Variants in RAB3IP observed in about 807,000 individuals in gnomAD.
RAB3IP encodes the protein rab-3A-interacting protein.
Under a neutral mutation model 59.1 loss-of-function variants are expected in RAB3IP, and 36 were observed. That is an observed-to-expected ratio of 0.61 (90% CI 0.47 to 0.80). The LOEUF (loss-of-function observed/expected upper bound fraction) is 0.80, where lower values mean the gene tolerates loss of function less well. Ranked by LOEUF, RAB3IP falls within the 30% of genes least tolerant of loss-of-function variation. The pLI is 0.00. For missense variants in RAB3IP, 511 were observed against 536.0 expected (o/e 0.95, Z 0.46); for synonymous variants, 207 against 191.2 (o/e 1.08, Z -0.68).
chr12:69,755,812 G>T (rs1417130321), intron 2 of RAB3IP, among the ~76,000 whole-genome samples, 153 bp downstream of exon 2: 1 of 152,064 alleles, frequency 6.6e-6, no homozygotes, highest in African/African-American at 2.4e-5. Context: ...CTAGAACAGG[G>T]TTGACAAACT....
intron 3 of RAB3IP, among the ~76,000 whole-genome samples, chr12:69,761,609 C>A (rs1053413590): frequency 1.3e-5 from 2 of 152,140 alleles, no homozygotes; most frequent in African/African-American, 4.8e-5. Context: ...TTCAGTACTT[C>A]TGAGATTCAT....
intron 8 of RAB3IP, among the ~76,000 whole-genome samples, chr12:69,810,717 G>A (rs1056117766): frequency 6.6e-6 from 1 of 152,184 alleles, no homozygotes; most frequent in African/African-American, 2.4e-5. Context: ...GGAGAAAGGA[G>A]TTAGAGATAT....
Position 69,756,455 on chromosome 12 carries a change from GA to G in RAB3IP, c.303del (p.Leu102Ter). Reference protein sequence around the residue: ...APCSTSGVTAGLTKLTTRKDN... With the variant: ...APCSTSGVTAXLTKLTTRKDN... ...TGCTCTACCTCTGGAGTCACAGCTG[GA>G]TTAACTAAATTAACTACAAGAAAGG... On this transcript the variant is annotated frameshift_variant, in exon 3 of 11. Coordinates refer to ENST00000247833, the MANE Select transcript of RAB3IP (RefSeq NM_022456.5). LOFTEE classifies it high-confidence loss of function. 6.2e-7 allele frequency: 1 copy of G among 1,614,086 alleles called. No individual in the cohort carries two copies. The highest frequency in any genetic ancestry group is 8.5e-7 in the Non-Finnish European group (1 of 1,179,978).
intron 7 of RAB3IP, 105 bp downstream of exon 7, chr12:69,800,442 T>C (rs995808938): frequency 2.9e-6 from 2 of 696,786 alleles, no homozygotes; most frequent in Non-Finnish European, 4.3e-6. Flanking sequence ...AATAAGTTAT[T>C]ATAAAATGTC....
chr12:69,770,136 T>C, intron 3 of RAB3IP, among the ~76,000 whole-genome samples: 1 of 152,202 alleles, frequency 6.6e-6, no homozygotes, highest in East Asian at 1.9e-4. Context: ...AAAAGAACAT[T>C]ATAGATTCAT....
At chr12:69,813,345 G>A (rs1307234173) in intron 10 of RAB3IP, among the ~76,000 whole-genome samples, 1 of 152,138 alleles carries the variant, frequency 6.6e-6, no homozygotes, top group Non-Finnish European at 1.5e-5. Flanking sequence ...AGAGTTCTAA[G>A]CTCATTGAAT....
In RAB3IP at chr12:69,819,484, T is replaced by TG. The variant is rs1263332620; in HGVS notation, c.*4042dup. 1 of 152,376 alleles carries TG rather than the reference T, an allele frequency of 6.6e-6. No homozygotes were observed. The highest frequency in any genetic ancestry group is 2.1e-4 in the South Asian group (1 of 4,820). The allele number at this position is 152,376 out of a possible 1,614,324, so 9.4% of individuals were successfully genotyped here. On this transcript the variant is annotated 3_prime_UTR_variant, in exon 11 of 11. Coordinates refer to ENST00000247833, the MANE Select transcript of RAB3IP (RefSeq NM_022456.5). ...AGTAAGGTCAGTCCAGGAGAAAATT[T>TG]GGGGAGTAGTTAGCCATGGGATCAG...
intron 3 of RAB3IP, chr12:69,779,269 C>T (rs1406295724): frequency 8.4e-5 from 12 of 142,384 alleles, no homozygotes; most frequent in African/African-American, 2.4e-4. Context: ...CGCCCTGCTT[C>T]GGCTCGCGCA....
chr12:69,788,210 C>A (rs1319420196), intron 4 of RAB3IP, among the ~76,000 whole-genome samples: 2 of 152,052 alleles, frequency 1.3e-5, no homozygotes, highest in Admixed American at 1.3e-4. Context: ...TATTTTAAAT[C>A]ATTATTTTGT....
chr12:69,745,363 A>T (rs1009528667), intron 1 of RAB3IP, among the ~76,000 whole-genome samples: 12 of 152,226 alleles, frequency 7.9e-5, no homozygotes, highest in South Asian at 4.1e-4. Context: ...TACACTTTTT[A>T]AAAAAATACA....
chr12:69,762,929 T>G (rs1871590818), intron 3 of RAB3IP, among the ~76,000 whole-genome samples: 1 of 150,440 alleles, frequency 6.6e-6, no homozygotes, highest in Admixed American at 6.6e-5. Flanking sequence ...GCCAAAGACA[T>G]TTGTAAACAT....
Position 69,801,695 on chromosome 12 carries a change from T to G in RAB3IP, c.1104T>G (p.Ala368=). The G allele has an allele frequency of 6.2e-7, 1 of 1,612,626 alleles. No individual in the cohort carries two copies. Among genetic ancestry groups the G allele is most frequent in the Non-Finnish European group, 8.5e-7 (1 of 1,178,970 alleles). ...TACAACCTATCCGGTTTGTGAAAGC[T>G]TCTGCAGTTGAATGCGGAGGACCAA... ...VGLQPIRFVK[A]SAVECGGPKK... The change falls in exon 8 of 11, where the codon GCT becomes GCG. Residue 368 remains alanine, a synonymous_variant. Coordinates refer to ENST00000247833, the MANE Select transcript of RAB3IP (RefSeq NM_022456.5).
At chr12:69,760,849 G>A (rs1237934375) in intron 3 of RAB3IP, among the ~76,000 whole-genome samples, 2 of 152,126 alleles carry the variant, frequency 1.3e-5, no homozygotes, top group Admixed American at 1.3e-4. Flanking sequence ...ACTGGCATAA[G>A]CAATGTGATT....
chr12:69,812,703 A>G lies in RAB3IP; in HGVS notation c.1131-75A>G. ...CAAATATTTGTTATCTAACTGAATG[A>G]ATAGGCAACTTGTACAGAAGGTAGG... On this transcript the variant is annotated intron_variant, in intron 8 of 10. Coordinates refer to ENST00000247833, the MANE Select transcript of RAB3IP (RefSeq NM_022456.5). 4.3e-6 allele frequency: 4 copies of G among 940,270 alleles called. No individual in the cohort carries two copies. The South Asian group carries it at 6.4e-5, about 15-fold the overall frequency. 58.2% of individuals were successfully genotyped at this position (940,270 alleles called of 1,614,324 possible). A position where few individuals can be genotyped will look rare whatever the true frequency, so the allele number is the denominator to read the frequency against.
chr12:69,810,165 C>T (rs1036989751), intron 8 of RAB3IP, among the ~76,000 whole-genome samples: 4 of 152,218 alleles, frequency 2.6e-5, no homozygotes. Context: ...GAGGTCCACT[C>T]CGGACCCTGT....
At chr12:69,748,950 CAAAAT>C (rs1235083525) in intron 1 of RAB3IP, among the ~76,000 whole-genome samples, 3 of 152,092 alleles carry the variant, frequency 2.0e-5, no homozygotes, top group African/African-American at 7.2e-5. Flanking sequence ...AATTTAATCT[CAAAAT>C]AATCTCCTTT....
chr12:69,760,273 G>C (rs1485731661), intron 3 of RAB3IP, among the ~76,000 whole-genome samples: 1 of 152,246 alleles, frequency 6.6e-6, no homozygotes, highest in African/African-American at 2.4e-5. Context: ...GCAGGCACTC[G>C]GCAGGCTGAG....
At chr12:69,814,387 G>T (rs1880875600) in intron 10 of RAB3IP, among the ~76,000 whole-genome samples, 1 of 152,074 alleles carries the variant, frequency 6.6e-6, no homozygotes, top group African/African-American at 2.4e-5. Context: ...TGTGTTTGTT[G>T]TAAACAGGTA....
chr12:69,741,879 TTGTAA>T (rs1163334789), intron 1 of RAB3IP, among the ~76,000 whole-genome samples: 1 of 152,202 alleles, frequency 6.6e-6, no homozygotes, highest in Non-Finnish European at 1.5e-5. Flanking sequence ...CTGAAGAACT[TTGTAA>T]TTTAGCTTTT....
Sources: gnomAD v4.1 joint callset for allele counts (sites outside exome capture counted in the v4.1 genomes callset) on GRCh38, gnomAD v4.1.1 for gene constraint, MANE v1.5 for transcripts, NCBI Gene and HGNC (gene_info 2026-07-23, HGNC 2026-07-21) for gene names.